LRRC4C: variants seen among roughly 807,000 people sequenced by gnomAD.
The protein encoded by LRRC4C is leucine rich repeat containing 4C.
Under a neutral mutation model 33.6 loss-of-function variants are expected in LRRC4C, and 5 were observed. The ratio of observed to expected loss-of-function variants is 0.15; its 90% CI spans 0.08 to 0.31. The LOEUF (loss-of-function observed/expected upper bound fraction) is 0.31. LRRC4C is among the 10% of genes least tolerant of loss of function. The pLI, the probability that LRRC4C is intolerant of heterozygous loss-of-function variation, is 1.00. For missense variants in LRRC4C, 560 were observed against 796.7 expected (o/e 0.70, Z 3.58); for synonymous variants, 329 against 302.0 (o/e 1.09, Z -0.93).
chr11:40,618,905 G>T (rs985116892), intron 3 of LRRC4C, among the ~76,000 whole-genome samples: 4 of 151,662 alleles, frequency 2.6e-5, no homozygotes, highest in Non-Finnish European at 1.5e-5. Context: ...CTATAAATGG[G>T]TCAACTGGAC....
chr11:40,452,768 C>G (rs958254874), intron 3 of LRRC4C, among the ~76,000 whole-genome samples: 3 of 152,268 alleles, frequency 2.0e-5, no homozygotes, highest in Middle Eastern at 3.4e-3. Context: ...ATAGTAAAGA[C>G]TTGGAACCAA....
chr11:40,161,131 G>A (rs1006228253), intron 5 of LRRC4C, among the ~76,000 whole-genome samples: 4 of 152,066 alleles, frequency 2.6e-5, no homozygotes, highest in African/African-American at 9.7e-5. Context: ...TTTAGTAGGA[G>A]AAAAAAATGA....
intron 2 of LRRC4C, among the ~76,000 whole-genome samples, chr11:40,812,596 A>C (rs187718495): frequency 6.6e-6 from 1 of 152,274 alleles, no homozygotes; most frequent in African/African-American, 2.4e-5. Context: ...CTTCTCAAAC[A>C]TAAAAATAAG....
At chr11:40,425,420 G>A (rs1460270214) in intron 3 of LRRC4C, among the ~76,000 whole-genome samples, 1 of 152,154 alleles carries the variant, frequency 6.6e-6, no homozygotes, top group Admixed American at 6.5e-5. Flanking sequence ...AGGAAATTTT[G>A]TTTGCGTCCT....
intron 1 of LRRC4C, among the ~76,000 whole-genome samples, chr11:41,347,393 A>C (rs879757550): frequency 3.9e-5 from 6 of 152,176 alleles, no homozygotes; most frequent in Non-Finnish European, 7.3e-5. Context: ...AATGGATGTC[A>C]CACTCAGTGC....
intron 2 of LRRC4C, among the ~76,000 whole-genome samples, chr11:40,897,672 C>T (rs1956006499): frequency 6.6e-6 from 1 of 152,242 alleles, no homozygotes; most frequent in African/African-American, 2.4e-5. Context: ...AGGAACACTT[C>T]TGCTAACGAT....
rs555100856 is a variant in LRRC4C, at chr11:40,147,648, TA to T, written c.-95-6796del. 3.7e-3 allele frequency among the ~76,000 whole-genome samples: 557 copies of T among 150,722 alleles called. 5 individuals are homozygous for T. The highest frequency in any genetic ancestry group is 0.012 in the African/African-American group (510 of 41,150). ...GTAGGTTAGACAGATAATAAATAAT[TA>T]AAAAAAAAGATGAGGTAGACATAAT... On this transcript the variant is annotated intron_variant, in intron 5 of 6. Coordinates refer to ENST00000528697, the MANE Select transcript of LRRC4C (RefSeq NM_001258419.2).
chr11:40,873,254 T>C (rs1007242365), intron 2 of LRRC4C, among the ~76,000 whole-genome samples: 8 of 152,148 alleles, frequency 5.3e-5, no homozygotes, highest in Non-Finnish European at 1.2e-4. Flanking sequence ...GTTGTACTAA[T>C]AACAGGAATT....
chr11:40,601,587 A>G (rs897484388), intron 3 of LRRC4C, among the ~76,000 whole-genome samples: 2 of 152,226 alleles, frequency 1.3e-5, no homozygotes, highest in East Asian at 1.9e-4. Context: ...ACTCAGTTGC[A>G]CATCTAATTA....
chr11:40,334,136 G>A (rs569974536), intron 3 of LRRC4C, among the ~76,000 whole-genome samples: 1 of 152,234 alleles, frequency 6.6e-6, no homozygotes, highest in South Asian at 2.1e-4. Context: ...GTTTTAGTAT[G>A]TATACAGAGG....
chr11:41,020,288 T>C (rs1855871493), intron 1 of LRRC4C, among the ~76,000 whole-genome samples: 1 of 152,152 alleles, frequency 6.6e-6, no homozygotes, highest in African/African-American at 2.4e-5. Flanking sequence ...TGGACCCTGC[T>C]GTTGTAGGTA....
At chr11:40,384,322 A>G (rs915377630) in intron 3 of LRRC4C, among the ~76,000 whole-genome samples, 1 of 152,132 alleles carries the variant, frequency 6.6e-6, no homozygotes, top group Non-Finnish European at 1.5e-5. Context: ...CTATATTGAA[A>G]TCTTCTTTCT....
At chr11:40,382,641 T>G (rs1004437626) in intron 3 of LRRC4C, among the ~76,000 whole-genome samples, 1 of 150,906 alleles carries the variant, frequency 6.6e-6, no homozygotes, top group African/African-American at 2.4e-5. Context: ...GGCTGTGCAG[T>G]AGATCTCTGG....
intron 2 of LRRC4C, among the ~76,000 whole-genome samples, chr11:40,681,268 A>T (rs1944672585): frequency 6.6e-6 from 1 of 152,230 alleles, no homozygotes; most frequent in Non-Finnish European, 1.5e-5. Context: ...ACATAAATAC[A>T]GGTTGAATGT....
At chr11:40,261,707 G>T (rs1941847205) in intron 4 of LRRC4C, among the ~76,000 whole-genome samples, 1 of 151,140 alleles carries the variant, frequency 6.6e-6, no homozygotes, top group South Asian at 2.1e-4. Flanking sequence ...GCTAAAAAAA[G>T]AATTTTTTTT....
chr11:40,411,130 T>C (rs935791720), intron 3 of LRRC4C, among the ~76,000 whole-genome samples: 9 of 152,102 alleles, frequency 5.9e-5, no homozygotes, highest in African/African-American at 1.9e-4. Context: ...GGGAAGGAAC[T>C]GATTGATAAT....
intron 3 of LRRC4C, among the ~76,000 whole-genome samples, chr11:40,549,703 T>C (rs372894216): frequency 2.0e-5 from 3 of 152,260 alleles, no homozygotes; most frequent in Non-Finnish European, 2.9e-5. Flanking sequence ...GTGTAGGAAG[T>C]TTAATGACTA....
chr11:40,289,397 T>A (rs984670784), intron 4 of LRRC4C, among the ~76,000 whole-genome samples: 1 of 152,162 alleles, frequency 6.6e-6, no homozygotes, highest in Non-Finnish European at 1.5e-5. Flanking sequence ...CCAGGGAAAT[T>A]AAAAGTATTG....
At chr11:40,896,451 T>C (rs891636693) in intron 2 of LRRC4C, among the ~76,000 whole-genome samples, 1 of 152,148 alleles carries the variant, frequency 6.6e-6, no homozygotes, top group African/African-American at 2.4e-5. Flanking sequence ...GTACTTCAAA[T>C]TCAGTGGATA....
Sources: gnomAD v4.1 joint callset for allele counts (sites outside exome capture counted in the v4.1 genomes callset) on GRCh38, gnomAD v4.1.1 for gene constraint, MANE v1.5 for transcripts, NCBI Gene and HGNC (gene_info 2026-07-23, HGNC 2026-07-21) for gene names.